Variants in ZDHHC2 observed in about 807,000 individuals in gnomAD.
ZDHHC2 encodes the protein zDHHC palmitoyltransferase 2, also known as palmitoyltransferase ZDHHC2.
In ZDHHC2, 51 loss-of-function variants were observed where a neutral mutation model predicts 55.6. The observed-to-expected ratio is 0.92, with a 90% CI of 0.73 to 1.16. The LOEUF (loss-of-function observed/expected upper bound fraction) is 1.16, where lower values mean the gene tolerates loss of function less well. ZDHHC2 is among the 50% of genes most tolerant of loss of function. The probability of loss-of-function intolerance (pLI) is 0.00; values close to 1 mark genes in which losing one functional copy is unlikely to be tolerated. For synonymous variants in ZDHHC2, 199 were observed against 152.9 expected (o/e 1.30, Z -2.22); for missense variants, 491 against 442.4 (o/e 1.11, Z -0.99).
chr8:17,197,709 T>A, intron 5 of ZDHHC2, 58 bp downstream of exon 5: 1 of 1,504,332 alleles, frequency 6.6e-7, no homozygotes, highest in Non-Finnish European at 9.2e-7. Context: ...TTCTTCATTA[T>A]GTTTCTTTTC....
At chr8:17,208,976 A>G (rs1013341435) in intron 8 of ZDHHC2, among the ~76,000 whole-genome samples, 5 of 152,196 alleles carry the variant, frequency 3.3e-5, no homozygotes, top group African/African-American at 9.6e-5. Flanking sequence ...ATTTTTTCAT[A>G]GTGCCTAACT....
intron 3 of ZDHHC2, among the ~76,000 whole-genome samples, chr8:17,190,783 A>C (rs999112037): frequency 4.6e-5 from 7 of 151,990 alleles, no homozygotes; most frequent in African/African-American, 1.4e-4. Context: ...ACAGGCATGC[A>C]ATGTGTAATA....
At chr8:17,194,514 C>T (rs1045609298) in intron 3 of ZDHHC2, among the ~76,000 whole-genome samples, 1 of 151,768 alleles carries the variant, frequency 6.6e-6, no homozygotes, top group South Asian at 2.1e-4. Flanking sequence ...CAAAACTTAA[C>T]AACTATCCTG....
At chr8:17,210,603 A>G (rs1807331300) in intron 10 of ZDHHC2, 123 bp downstream of exon 10, 1 of 743,552 alleles carries the variant, frequency 1.3e-6, no homozygotes, top group Non-Finnish European at 2.1e-6. Flanking sequence ...AATGGTTTCC[A>G]CTTGAAATGA....
At chr8:17,198,703 A>G (rs1272505791) in intron 6 of ZDHHC2, among the ~76,000 whole-genome samples, 1 of 152,234 alleles carries the variant, frequency 6.6e-6, no homozygotes, top group Non-Finnish European at 1.5e-5. Context: ...AGATTCCAGA[A>G]TACTTCACAG....
At chr8:17,196,435 A>G (rs1189597909) in intron 4 of ZDHHC2, among the ~76,000 whole-genome samples, 1 of 152,078 alleles carries the variant, frequency 6.6e-6, no homozygotes, top group Non-Finnish European at 1.5e-5. Flanking sequence ...TGTGCCTATA[A>G]TCCCAGCAAC....
chr8:17,158,840 C>T (rs1320125161), intron 1 of ZDHHC2, among the ~76,000 whole-genome samples: 1 of 152,126 alleles, frequency 6.6e-6, no homozygotes, highest in East Asian at 1.9e-4. Context: ...CCTGGCCTGG[C>T]GCAATGCCTG....
At chr8:17,156,990 C>G (rs1804091106) in intron 1 of ZDHHC2, 137 bp downstream of exon 1, 7 of 817,146 alleles carry the variant, frequency 8.6e-6, no homozygotes, top group South Asian at 8.1e-5. Flanking sequence ...CCGCCGGCTC[C>G]GCCGCTAAAA....
chr8:17,212,743 C>A (rs1807446583), intron 10 of ZDHHC2, among the ~76,000 whole-genome samples: 1 of 152,128 alleles, frequency 6.6e-6, no homozygotes, highest in African/African-American at 2.4e-5. Flanking sequence ...GGAATAAAAG[C>A]TAATGAATGT....
At chr8:17,175,161 C>G (rs1462300900) in intron 1 of ZDHHC2, among the ~76,000 whole-genome samples, 2 of 152,080 alleles carry the variant, frequency 1.3e-5, no homozygotes, top group Admixed American at 1.3e-4. Flanking sequence ...CTGGGGAAAT[C>G]ATCAGACTCC....
intron 6 of ZDHHC2, among the ~76,000 whole-genome samples, chr8:17,203,108 G>A (rs940728122): frequency 1.6e-4 from 24 of 146,186 alleles, no homozygotes; most frequent in Admixed American, 1.6e-3. Context: ...CACCCAGGCT[G>A]GAGTGCAGTG....
At chr8:17,186,452 T>C in intron 3 of ZDHHC2, 27 bp downstream of exon 3, 1 of 1,335,556 alleles carries the variant, frequency 7.5e-7, no homozygotes, top group Middle Eastern at 1.9e-4. Context: ...ACGAAATTAT[T>C]CTAATAATAG....
chr8:17,157,274 T>A (rs1315809384), intron 1 of ZDHHC2, among the ~76,000 whole-genome samples: 1 of 152,134 alleles, frequency 6.6e-6, no homozygotes, highest in African/African-American at 2.4e-5. Context: ...GTGCTGGCCT[T>A]GGCGGCGGAG....
intron 1 of ZDHHC2, among the ~76,000 whole-genome samples, chr8:17,174,453 G>T (rs1327592788): frequency 6.6e-6 from 1 of 152,142 alleles, no homozygotes; most frequent in Non-Finnish European, 1.5e-5. Flanking sequence ...AATCAGGGCA[G>T]CCTCGAGTCT....
rs745907015 is a variant in ZDHHC2 at position 17,215,262 on chromosome 8, A to G, written c.976A>G (p.Lys326Glu). Residue 326 changes from lysine to glutamate, a missense_variant, in exon 11 of 13, where the codon AAG (lysine) becomes GAG (glutamate). Transcript: ENST00000262096. ...TCTCGAAAACCATCAGTTTCCTGCA[A>G]AGCCATTGAGAGAGTCCCAGAGCCA... Reference protein sequence around the residue: ...KNLENHQFPAKPLRESQSHLL... With the variant: ...KNLENHQFPAEPLRESQSHLL... 1.2e-6 allele frequency: 2 copies of G among 1,601,262 alleles called. No individual in the cohort carries two copies. Among genetic ancestry groups the G allele is most frequent in the African/African-American group, 2.7e-5 (2 of 74,688 alleles).
intron 1 of ZDHHC2, among the ~76,000 whole-genome samples, chr8:17,180,122 C>A (rs1805353403): frequency 6.6e-6 from 1 of 152,142 alleles, no homozygotes; most frequent in Non-Finnish European, 1.5e-5. Flanking sequence ...GAATAAACTG[C>A]ACCTAACTTC....
At chr8:17,176,771 C>T (rs572384837) in intron 1 of ZDHHC2, among the ~76,000 whole-genome samples, 4 of 150,662 alleles carry the variant, frequency 2.7e-5, no homozygotes, top group South Asian at 4.2e-4. Context: ...GAAAGGCAGG[C>T]GTTTTGAGTT....
Position 17,224,398 on chromosome 8 carries a change from A to G in ZDHHC2, c.*4177A>G, listed in dbSNP as rs772523007. The G allele has an allele frequency of 1.3e-5, 2 of 151,680 alleles. No individual in the cohort carries two copies. Among genetic ancestry groups the G allele is most frequent in the Non-Finnish European group, 3.0e-5 (2 of 67,688 alleles). The allele number at this position is 151,680 out of a possible 1,614,324, so 9.4% of individuals were successfully genotyped here. Reference sequence around the variant, plus strand: ...ATTAAACCAAAGGGAAACTTTTAATAAGTTATTTTAAGCCCTGGTTTATGG... The same window carrying G: ...ATTAAACCAAAGGGAAACTTTTAATGAGTTATTTTAAGCCCTGGTTTATGG... On this transcript the variant is annotated 3_prime_UTR_variant, in exon 13 of 13. Transcript: ENST00000262096.
At chr8:17,202,793 T>C (rs1251027992) in intron 6 of ZDHHC2, among the ~76,000 whole-genome samples, 2 of 151,832 alleles carry the variant, frequency 1.3e-5, no homozygotes, top group Non-Finnish European at 2.9e-5. Flanking sequence ...ATACTCTATG[T>C]ATATACATAT....
Sources: gnomAD v4.1 joint callset for allele counts (sites outside exome capture counted in the v4.1 genomes callset) on GRCh38, gnomAD v4.1.1 for gene constraint, MANE v1.5 for transcripts, NCBI Gene and HGNC (gene_info 2026-07-23, HGNC 2026-07-21) for gene names.